The following USP24 variants were observed in gnomAD, a reference collection of about 807,000 sequenced individuals.
USP24 encodes ubiquitin specific peptidase 24.
Under a neutral mutation model 361.6 loss-of-function variants are expected in USP24, and 97 were observed. The ratio of observed to expected loss-of-function variants is 0.27; its 90% CI spans 0.23 to 0.32. USP24 has a LOEUF of 0.32. USP24 is among the 10% of genes least tolerant of loss of function. USP24 has a pLI of 1.00. For synonymous variants in USP24, 1,098 were observed against 1,124.6 expected (o/e 0.98, Z 0.47); for missense variants, 2,353 against 3,165.6 (o/e 0.74, Z 6.16).
intron 16 of USP24, among the ~76,000 whole-genome samples, chr1:55,153,316 G>A (rs1346567609): frequency 6.6e-6 from 1 of 152,154 alleles, no homozygotes; most frequent in Admixed American, 6.5e-5. Flanking sequence ...TACAGTCCCA[G>A]TCCCTCTTAT....
rs555571380 is a variant in USP24 at position 55,100,268 on chromosome 1, A to C, written c.5272-399T>G. On this transcript the variant is annotated intron_variant, in intron 44 of 67. Coordinates refer to ENST00000294383, the MANE Select transcript of USP24 (RefSeq NM_015306.3). ...TCCCAGCACTCTGGGAGGCCGAGGCAGGCGGATCACCTGAGGTCGGGAGTT... is the reference window on the plus strand; with the variant it reads ...TCCCAGCACTCTGGGAGGCCGAGGCCGGCGGATCACCTGAGGTCGGGAGTT... Among the ~76,000 whole-genome samples the C allele has an allele frequency of 2.6e-5, 4 of 152,338 alleles. No homozygotes were observed. The South Asian group carries it at 8.3e-4, about 32-fold the overall frequency.
rs200407875 is a variant in USP24 at position 55,083,788 on chromosome 1, T to A, written c.6866A>T (p.Asn2289Ile). ...KNCAQYFFLFNTFVQKQGIRA... is the reference protein window; with the variant it reads ...KNCAQYFFLFITFVQKQGIRA... ...ATTATTTACCTTTTGTACAAAAGTG[T>A]TGAACAGGAAAAAGTACTGAGCACA... Residue 2289 changes from asparagine (N) to isoleucine (I), a missense_variant, in exon 57 of 68, where the codon AAC (asparagine) becomes ATC (isoleucine). By Grantham distance (149) the Asn-to-Ile change is moderately radical. Coordinates refer to ENST00000294383, the MANE Select transcript of USP24 (RefSeq NM_015306.3). 1.3e-6 allele frequency: 2 copies of A among 1,593,342 alleles called. No individual in the cohort carries two copies. The highest frequency in any genetic ancestry group is 1.7e-6 in the Non-Finnish European group (2 of 1,169,660).
intron 24 of USP24, among the ~76,000 whole-genome samples, chr1:55,140,753 CCTT>C (rs1452563448): frequency 1.3e-5 from 2 of 152,146 alleles, no homozygotes; most frequent in Admixed American, 6.6e-5. Context: ...GAGAGCAAGT[CCTT>C]CTCAGAGCAC....
intron 62 of USP24, among the ~76,000 whole-genome samples, chr1:55,075,898 C>A (rs1185572): frequency 1.3e-5 from 2 of 152,334 alleles, no homozygotes; most frequent in South Asian, 4.1e-4. Flanking sequence ...GTGCCTAGGA[C>A]TTTGAGGCTA....
intron 1 of USP24, among the ~76,000 whole-genome samples, chr1:55,179,194 T>A (rs1459899845): frequency 6.6e-6 from 1 of 152,138 alleles, no homozygotes; most frequent in Non-Finnish European, 1.5e-5. Context: ...GCCCACTCCC[T>A]CCTCTTGAAA....
chr1:55,124,129 A>C (rs1184233228), intron 35 of USP24, among the ~76,000 whole-genome samples: 2 of 152,214 alleles, frequency 1.3e-5, no homozygotes, highest in East Asian at 3.8e-4. Context: ...AAACCAAGAA[A>C]AGAACTGTTT....
At chr1:55,204,914 T>C (rs1644667041) in intron 1 of USP24, among the ~76,000 whole-genome samples, 1 of 152,238 alleles carries the variant, frequency 6.6e-6, no homozygotes, top group African/African-American at 2.4e-5. Flanking sequence ...CTAGTTTTTA[T>C]TCTGAGAACT....
intron 34 of USP24, 34 bp from the exon 35 acceptor site, chr1:55,124,662 A>T: frequency 6.2e-7 from 1 of 1,610,630 alleles, no homozygotes; most frequent in Non-Finnish European, 8.5e-7. Flanking sequence ...GAGAAAGAGC[A>T]ATACTTGAAC....
intron 16 of USP24, among the ~76,000 whole-genome samples, chr1:55,150,618 T>C (rs1647167453): frequency 6.6e-6 from 1 of 152,184 alleles, no homozygotes; most frequent in Non-Finnish European, 1.5e-5. Flanking sequence ...TGATGGCCAA[T>C]TAAGTCAATT....
intron 38 of USP24, among the ~76,000 whole-genome samples, chr1:55,119,318 T>G (rs1214567749): frequency 1.3e-5 from 2 of 152,102 alleles, no homozygotes; most frequent in African/African-American, 4.8e-5. Context: ...GCCAGACATA[T>G]AAGGACAAAT....
rs1420028134 is a variant in USP24 at position 55,138,960 on chromosome 1, T to C, written c.2801A>G (p.Tyr934Cys). ...IERLLLLAER[Y>C]VITIEDFYSV... ...GTGGCTTACCTCTATAGTGATCACA[T>C]AGCGCTCTGCCAGAAGCAGCAATCT... Residue 934 changes from tyrosine (Y) to cysteine (C), a missense_variant, in exon 25 of 68, where the codon TAT becomes TGT. Tyr to Cys is a radical substitution (Grantham distance 194). This residue lies in a region of USP24 where 949 missense variants were observed against 1,280.5 expected (regional missense o/e 0.74). Transcript: ENST00000294383. 5 of 1,612,892 alleles carry C rather than the reference T, an allele frequency of 3.1e-6. No individual in the cohort carries two copies. The highest frequency in any genetic ancestry group is 3.4e-6 in the Non-Finnish European group (4 of 1,179,406).
At chr1:55,202,842 A>G (rs1015475587) in intron 1 of USP24, among the ~76,000 whole-genome samples, 2 of 152,236 alleles carry the variant, frequency 1.3e-5, no homozygotes, top group Admixed American at 1.3e-4. Flanking sequence ...GCAATTGCTC[A>G]ATCTTCCTTT....
At chr1:55,151,616 T>G (rs928820287) in intron 16 of USP24, among the ~76,000 whole-genome samples, 2 of 152,138 alleles carry the variant, frequency 1.3e-5, no homozygotes, top group Non-Finnish European at 2.9e-5. Context: ...TAATTTTTTT[T>G]GGATGAGTAC....
At chr1:55,178,833 C>T (rs1650278846) in intron 1 of USP24, among the ~76,000 whole-genome samples, 1 of 152,064 alleles carries the variant, frequency 6.6e-6, no homozygotes. Context: ...CAAGACCAGC[C>T]TGAGCAACAG....
intron 1 of USP24, among the ~76,000 whole-genome samples, chr1:55,188,680 C>T (rs551579897): frequency 3.3e-4 from 50 of 152,000 alleles, no homozygotes; most frequent in Non-Finnish European, 6.8e-4. Context: ...GGAAAGAAGC[C>T]GGGCATGGTG....
intron 12 of USP24, among the ~76,000 whole-genome samples, chr1:55,155,865 A>T (rs1462393354): frequency 1.3e-5 from 2 of 152,212 alleles, no homozygotes; most frequent in Non-Finnish European, 2.9e-5. Context: ...CAGTTCCAGC[A>T]CTTAAAGTAA....
Position 55,071,835 on chromosome 1 carries a change from G to A in USP24, c.7779C>T (p.Asn2593=), listed in dbSNP as rs372744706. 5.0e-5 allele frequency: 80 copies of A among 1,612,954 alleles called. 5 individuals carry two copies. The South Asian group carries it at 5.3e-4, about 11-fold the overall frequency. ...NGSESSPANE[N]GDRHLQQGSE... ...ATACCTGCTGTAGATGCCTGTCTCC[G>A]TTCTCATTGGCAGGACTACTCTCCG... is the stretch of plus-strand genomic sequence containing the variant. The change falls in exon 67 of 68, where the codon AAC becomes AAT. Residue 2593 remains asparagine (N), a synonymous_variant. Transcript: ENST00000294383.
chr1:55,200,183 A>C (rs994573149), intron 1 of USP24, among the ~76,000 whole-genome samples: 1 of 152,268 alleles, frequency 6.6e-6, no homozygotes, highest in African/African-American at 2.4e-5. Flanking sequence ...TCAAGTATCA[A>C]ATCAAATTAT....
At chr1:55,134,918 A>G (rs1646691980) in intron 28 of USP24, among the ~76,000 whole-genome samples, 1 of 152,198 alleles carries the variant, frequency 6.6e-6, no homozygotes, top group South Asian at 2.1e-4. Flanking sequence ...AACTGCATAA[A>G]AGAGATTCAG....
Sources: gnomAD v4.1 joint callset for allele counts (sites outside exome capture counted in the v4.1 genomes callset) on GRCh38, gnomAD v4.1.1 for gene constraint, gnomAD v4.1.1 regional missense constraint, MANE v1.5 for transcripts, NCBI Gene and HGNC (gene_info 2026-07-23, HGNC 2026-07-21) for gene names.